ASAP2: variants seen among roughly 807,000 people sequenced by gnomAD.
ASAP2 encodes arf-GAP with SH3 domain, ANK repeat and PH domain-containing protein 2.
ASAP2 carries 45 observed loss-of-function variants against 131.4 expected under a neutral mutation model. That is an observed-to-expected ratio of 0.34 (90% confidence interval 0.27 to 0.44). The LOEUF (loss-of-function observed/expected upper bound fraction) is 0.44, where lower values mean the gene tolerates loss of function less well. ASAP2 is among the 20% of genes least tolerant of loss of function. ASAP2 has a pLI of 1.00. For synonymous variants in ASAP2, 510 were observed against 503.0 expected (o/e 1.01, Z -0.19); for missense variants, 1,011 against 1,297.0 (o/e 0.78, Z 3.39).
chr2:9,255,082 TC>T (rs1481249448), intron 1 of ASAP2, among the ~76,000 whole-genome samples: 1 of 152,228 alleles, frequency 6.6e-6, no homozygotes, highest in Non-Finnish European at 1.5e-5. Flanking sequence ...CACTTCCTCA[TC>T]GGTGCTTGGC....
In ASAP2 at chr2:9,238,452, C is replaced by G. The variant is rs183398105; in HGVS notation, c.126+31222C>G. 7.4e-4 allele frequency among the ~76,000 whole-genome samples: 113 copies of G among 152,308 alleles called. No homozygotes were observed. In the East Asian group the frequency reaches 0.015, roughly 20 times the overall value. Reference sequence around the variant, plus strand: ...TCCGCTTGAAAAAGCATTGTCTTACCAGCCTGTGCAGAATCCAGATCACTT... The same window carrying G: ...TCCGCTTGAAAAAGCATTGTCTTACGAGCCTGTGCAGAATCCAGATCACTT... On this transcript the variant is annotated intron_variant, in intron 1 of 27. Transcript: ENST00000281419.
At chr2:9,385,712 T>G (rs755239774) in intron 21 of ASAP2, among the ~76,000 whole-genome samples, 3 of 152,188 alleles carry the variant, frequency 2.0e-5, no homozygotes, top group African/African-American at 7.2e-5. Context: ...GTCTAGGTGA[T>G]CACATTCTCC....
chr2:9,349,823 T>G (rs1672213983), intron 11 of ASAP2, among the ~76,000 whole-genome samples: 1 of 152,188 alleles, frequency 6.6e-6, no homozygotes, highest in Admixed American at 6.5e-5. Flanking sequence ...TGCTTGAGGG[T>G]TTCACAGGTC....
chr2:9,399,587 G>A (rs1173518949), intron 24 of ASAP2: 4 of 170,556 alleles, frequency 2.3e-5, no homozygotes, highest in African/African-American at 9.5e-5. Flanking sequence ...CAGAAGCAGG[G>A]ACGGCAGAGG....
chr2:9,255,798 A>T (rs879864716), intron 1 of ASAP2, among the ~76,000 whole-genome samples: 2 of 152,274 alleles, frequency 1.3e-5, no homozygotes, highest in Non-Finnish European at 2.9e-5. Flanking sequence ...AAAGATTTAT[A>T]CTCTGATGTT....
chr2:9,401,472 T>G, intron 27 of ASAP2, 76 bp downstream of exon 27: 1 of 1,550,016 alleles, frequency 6.5e-7, no homozygotes, highest in Non-Finnish European at 8.7e-7. Flanking sequence ...GAGACGGGCT[T>G]GCAGGTGAGG....
At chr2:9,381,429 A>G (rs1248126905) in intron 20 of ASAP2, among the ~76,000 whole-genome samples, 1 of 152,230 alleles carries the variant, frequency 6.6e-6, no homozygotes, top group Non-Finnish European at 1.5e-5. Context: ...CAGTTGACAC[A>G]CAGCGCTCAG....
intron 24 of ASAP2, among the ~76,000 whole-genome samples, chr2:9,396,514 C>G (rs1278111022): frequency 2.0e-5 from 3 of 152,234 alleles, no homozygotes; most frequent in Non-Finnish European, 4.4e-5. Flanking sequence ...TGGGCTCAAG[C>G]AGTCCTCCCA....
chr2:9,332,130 TGAGGCAGGC>T (rs1670883792), intron 7 of ASAP2, among the ~76,000 whole-genome samples: 2 of 152,120 alleles, frequency 1.3e-5, no homozygotes, highest in South Asian at 4.1e-4. Flanking sequence ...TCTAGCCTGG[TGAGGCAGGC>T]TAGAAAATGT....
At chr2:9,307,324 AG>A (rs1372481025) in intron 3 of ASAP2, among the ~76,000 whole-genome samples, 3 of 152,112 alleles carry the variant, frequency 2.0e-5, no homozygotes, top group African/African-American at 7.2e-5. Flanking sequence ...GCCTGGGTCC[AG>A]TGCTTCCGAC....
At chr2:9,332,006 A>C (rs1456013991) in intron 7 of ASAP2, among the ~76,000 whole-genome samples, 1 of 152,080 alleles carries the variant, frequency 6.6e-6, no homozygotes, top group South Asian at 2.1e-4. Context: ...TGAAGGCTGC[A>C]GGAGGGGCCC....
chr2:9,317,469 A>G (rs1321919589), intron 3 of ASAP2, among the ~76,000 whole-genome samples: 2 of 137,158 alleles, frequency 1.5e-5, no homozygotes, highest in African/African-American at 2.8e-5. Context: ...CATTCACCTT[A>G]TACTCAGTCA....
At chr2:9,349,757 A>G (rs1672210376) in intron 11 of ASAP2, among the ~76,000 whole-genome samples, 3 of 152,208 alleles carry the variant, frequency 2.0e-5, no homozygotes, top group Non-Finnish European at 2.9e-5. Flanking sequence ...GGATGGGTTC[A>G]ACTCTCCCAC....
rs1667130043 is a variant in ASAP2 at position 9,281,580 on chromosome 2, A to G, written c.199+2191A>G. On this transcript the variant is annotated intron_variant, in intron 2 of 27. Coordinates refer to ENST00000281419, the MANE Select transcript of ASAP2 (RefSeq NM_003887.3). This position sits in a 1 kb window ranked among gnomAD's most constrained non-coding sequence, Gnocchi z 4.0. ...CCCCACTGGTGTTACTTCTCTGCCT[A>G]AAACTCTATAGCATTTTTTCATCAC... Among the ~76,000 whole-genome samples the G allele has an allele frequency of 6.6e-6, 1 of 152,184 alleles. No individual in the cohort carries two copies. The highest frequency in any genetic ancestry group is 1.5e-5 in the Non-Finnish European group (1 of 68,036).
At chr2:9,245,463 T>C (rs1243194550) in intron 1 of ASAP2, among the ~76,000 whole-genome samples, 2 of 150,660 alleles carry the variant, frequency 1.3e-5, no homozygotes, top group African/African-American at 2.5e-5. Flanking sequence ...AAAAGATTAG[T>C]CATACATTTA....
chr2:9,350,367 C>G (rs749684889), intron 11 of ASAP2: 2 of 153,850 alleles, frequency 1.3e-5, no homozygotes, highest in Non-Finnish European at 2.9e-5. Context: ...ATTACCTTCA[C>G]TGGAAGTGAG....
intron 2 of ASAP2, 35 bp from the exon 3 acceptor site, chr2:9,297,265 C>G (rs1248382827): frequency 2.5e-6 from 4 of 1,605,876 alleles, no homozygotes; most frequent in Admixed American, 1.7e-5. Flanking sequence ...GGTGGCATGC[C>G]TGAGACTCAC....
In ASAP2 at chr2:9,368,476, C is replaced by T; in HGVS notation, c.1513C>T (p.Leu505=). The T allele has an allele frequency of 6.2e-7, 1 of 1,614,150 alleles. No homozygotes were observed. Among genetic ancestry groups the T allele is most frequent in the Admixed American group, 1.7e-5 (1 of 60,010 alleles). ...CTTTAATGAGATCATGGAATGTTGC[C>T]TACCAGCTGAGGACTCAGTCAAACC... ...AGFNEIMECC[L]PAEDSVKPNP... Residue 505 remains leucine, a synonymous_variant, in exon 16 of 28, where the codon CTA becomes TTA. Coordinates refer to ENST00000281419, the MANE Select transcript of ASAP2 (RefSeq NM_003887.3).
At chr2:9,373,083 G>A (rs376922630) in intron 16 of ASAP2, among the ~76,000 whole-genome samples, 32 of 152,164 alleles carry the variant, frequency 2.1e-4, no homozygotes, top group Non-Finnish European at 2.2e-4. Flanking sequence ...AGCCAGCACC[G>A]CAGTGAGCTC....
Sources: allele counts gnomAD v4.1 joint callset (sites outside exome capture counted in the v4.1 genomes callset), GRCh38; gene constraint gnomAD v4.1.1; non-coding constraint Gnocchi (gnomAD v3.1); transcripts MANE v1.5; gene names NCBI Gene and HGNC (gene_info 2026-07-23, HGNC 2026-07-21).